Variants in GRM3 observed in about 807,000 individuals in gnomAD.
GRM3 encodes the protein metabotropic glutamate receptor 3.
In GRM3, 26 loss-of-function variants were observed where a neutral mutation model predicts 70.5. The observed-to-expected ratio is 0.37, with a 90% CI of 0.27 to 0.51. The LOEUF is 0.51. Ranked by LOEUF, GRM3 falls within the 20% of genes least tolerant of loss-of-function variation. The pLI is 0.93. For synonymous variants in GRM3, 443 were observed against 434.9 expected (o/e 1.02, Z -0.23); for missense variants, 859 against 1,123.8 (o/e 0.76, Z 3.37).
At chr7:86,833,648 C>T (rs1044411946) in intron 3 of GRM3, among the ~76,000 whole-genome samples, 4 of 152,102 alleles carry the variant, frequency 2.6e-5, no homozygotes, top group African/African-American at 9.7e-5. Flanking sequence ...ATTGCCATTG[C>T]GTTCGAAATA....
At position 86,722,057 on chromosome 7, in the gene GRM3, A is replaced by G. The variant is rs114057963; in HGVS notation, c.-140-42949A>G. 6.1e-3 allele frequency among the ~76,000 whole-genome samples: 933 copies of G among 152,206 alleles called. 8 individuals are homozygous for G. Among genetic ancestry groups the G allele is most frequent in the African/African-American group, 0.021 (881 of 41,528 alleles). ...GAACATAGAAACTGAAAATTGAAAGAAACTCTTGAGATTGGGCACAATTCT... is the reference window on the plus strand; with the variant it reads ...GAACATAGAAACTGAAAATTGAAAGGAACTCTTGAGATTGGGCACAATTCT... On this transcript the variant is annotated intron_variant, in intron 1 of 5. Coordinates refer to ENST00000361669, the MANE Select transcript of GRM3 (RefSeq NM_000840.3).
intron 2 of GRM3, among the ~76,000 whole-genome samples, chr7:86,771,738 G>C (rs1425088292): frequency 6.6e-6 from 1 of 151,910 alleles, no homozygotes; most frequent in African/African-American, 2.4e-5. Flanking sequence ...GTATCAATTG[G>C]CAACATAAGT....
chr7:86,679,009 A>T (rs906431846), intron 1 of GRM3, among the ~76,000 whole-genome samples: 1 of 152,068 alleles, frequency 6.6e-6, no homozygotes, highest in Non-Finnish European at 1.5e-5. Context: ...TGGTCAAGAT[A>T]GACTGTGTAG....
intron 3 of GRM3, among the ~76,000 whole-genome samples, chr7:86,808,361 G>C (rs1009894328): frequency 1.3e-5 from 2 of 152,060 alleles, no homozygotes; most frequent in African/African-American, 4.8e-5. Flanking sequence ...ATTCAGCTGT[G>C]AATCCGTCTG....
intron 1 of GRM3, among the ~76,000 whole-genome samples, chr7:86,675,639 T>C (rs751991059): frequency 6.6e-6 from 1 of 152,110 alleles, no homozygotes; most frequent in Non-Finnish European, 1.5e-5. Flanking sequence ...AAACCATTAT[T>C]CTAAAGAATT....
chr7:86,728,832 A>G (rs1214938911), intron 1 of GRM3, among the ~76,000 whole-genome samples: 3 of 152,228 alleles, frequency 2.0e-5, no homozygotes, highest in Non-Finnish European at 4.4e-5. Flanking sequence ...TCTCACAGTG[A>G]AATCAGTGGT....
At chr7:86,720,002 C>G (rs995924988) in intron 1 of GRM3, among the ~76,000 whole-genome samples, 1 of 151,946 alleles carries the variant, frequency 6.6e-6, no homozygotes, top group African/African-American at 2.4e-5. Context: ...AGCACCAGAT[C>G]TGGAAAGACC....
intron 1 of GRM3, among the ~76,000 whole-genome samples, chr7:86,713,946 C>A (rs1322027913): frequency 3.3e-5 from 5 of 151,940 alleles, no homozygotes; most frequent in African/African-American, 1.2e-4. Context: ...CTCCTTCCAG[C>A]CCATTGTAGG....
At chr7:86,814,356 T>C (rs763815892) in intron 3 of GRM3, among the ~76,000 whole-genome samples, 1 of 151,782 alleles carries the variant, frequency 6.6e-6, no homozygotes, top group Non-Finnish European at 1.5e-5. Flanking sequence ...ACCATATTTG[T>C]TGTCTTTTAT....
In GRM3 at chr7:86,714,694, C is replaced by G. The variant is rs184721667; in HGVS notation, c.-140-50312C>G. Among the ~76,000 whole-genome samples the G allele has an allele frequency of 1.3e-4, 20 of 152,106 alleles. 1 individual carries two copies. Among genetic ancestry groups the G allele is most frequent in the Admixed American group, 1.1e-3 (17 of 15,248 alleles). On this transcript the variant is annotated intron_variant, in intron 1 of 5. Transcript: ENST00000361669. ...TCAATTTATTATCTACATAGCTAAT[C>G]CCAAAGTGCTCCCAAACTCCCAAAC...
intron 3 of GRM3, among the ~76,000 whole-genome samples, chr7:86,828,688 A>T (rs1327519416): frequency 6.6e-6 from 1 of 152,188 alleles, no homozygotes; most frequent in Non-Finnish European, 1.5e-5. Flanking sequence ...CTCAGTGTTG[A>T]TGGCTGCTGA....
intron 1 of GRM3, among the ~76,000 whole-genome samples, chr7:86,715,355 TA>T (rs1795290432): frequency 6.6e-6 from 1 of 152,058 alleles, no homozygotes; most frequent in Admixed American, 6.6e-5. Flanking sequence ...GTTTACATCC[TA>T]TTCTACCACT....
chr7:86,710,777 C>T (rs768387571), intron 1 of GRM3, among the ~76,000 whole-genome samples: 46 of 151,858 alleles, frequency 3.0e-4, no homozygotes, highest in Non-Finnish European at 1.8e-4. Flanking sequence ...AAAGTTTGGA[C>T]CTTACAACTA....
chr7:86,819,640 G>C (rs1368212242), intron 3 of GRM3, among the ~76,000 whole-genome samples: 1 of 152,084 alleles, frequency 6.6e-6, no homozygotes, highest in Non-Finnish European at 1.5e-5. Flanking sequence ...CCAAAGAATG[G>C]ACTCGTGTCA....
In GRM3 at chr7:86,786,707, G is replaced by C; in HGVS notation, c.915G>C (p.Ala305=). ...GGGTGGCCAGCGACGGCTGGGGCGC[G>C]CAGGAGAGCATCATCAAGGGCAGCG... is the stretch of plus-strand genomic sequence containing the variant. ...FTWVASDGWG[A]QESIIKGSEH... The change falls in exon 3 of 6, where the codon GCG becomes GCC. Residue 305 remains alanine, a synonymous_variant. Coordinates refer to ENST00000361669, the MANE Select transcript of GRM3 (RefSeq NM_000840.3). The surrounding 1 kb of genome is among the most constrained non-coding windows in gnomAD (Gnocchi z 6.0). 1 of 1,612,616 alleles carries C rather than the reference G, an allele frequency of 6.2e-7. No individual in the cohort carries two copies. The highest frequency in any genetic ancestry group is 2.2e-5 in the East Asian group (1 of 44,874).
intron 1 of GRM3, among the ~76,000 whole-genome samples, chr7:86,734,122 A>T (rs1795801759): frequency 6.6e-6 from 1 of 152,094 alleles, no homozygotes; most frequent in Admixed American, 6.6e-5. Context: ...CAGACTGGGG[A>T]CTCCAAAGAA....
chr7:86,861,425 A>C lies in GRM3; in HGVS notation c.2567-2857A>C, dbSNP rs546812554. Among the ~76,000 whole-genome samples, 187 of 152,342 alleles carry C rather than the reference A, an allele frequency of 1.2e-3. 1 individual carries two copies. Among genetic ancestry groups the C allele is most frequent in the African/African-American group, 4.2e-3 (176 of 41,584 alleles). On this transcript the variant is annotated intron_variant, in intron 5 of 5. Coordinates refer to ENST00000361669, the MANE Select transcript of GRM3 (RefSeq NM_000840.3). ...GTCAAGGGTATAGGATGCTACACCA[A>C]AAATAATAATAAGCAAGAAAAAAGG...
At position 86,850,423 on chromosome 7, in the gene GRM3, G is replaced by A. The variant is rs1044319205; in HGVS notation, c.2445G>A (p.Leu815=). Residue 815 remains leucine, a synonymous_variant, in exon 5 of 6, where the codon TTG becomes TTA. Transcript: ENST00000361669. ...ISVSLSGFVV[L]GCLFAPKVHI... ...TCAGCCTGAGTGGCTTTGTGGTCTT[G>A]GGCTGTTTGTTTGCACCCAAGGTTC... is the stretch of plus-strand genomic sequence containing the variant. The A allele has an allele frequency of 2.2e-5, 35 of 1,612,790 alleles. No homozygotes were observed. The Admixed American group carries it at 5.5e-4, about 25-fold the overall frequency.
intron 1 of GRM3, among the ~76,000 whole-genome samples, chr7:86,647,363 TTG>T (rs1793499004): frequency 6.6e-6 from 1 of 152,180 alleles, no homozygotes; most frequent in Non-Finnish European, 1.5e-5. Flanking sequence ...ATGTAGCACA[TTG>T]GCTTGGGGGT....
Sources: allele counts gnomAD v4.1 joint callset (sites outside exome capture counted in the v4.1 genomes callset), GRCh38; gene constraint gnomAD v4.1.1; non-coding constraint Gnocchi (gnomAD v3.1); transcripts MANE v1.5; gene names NCBI Gene and HGNC (gene_info 2026-07-23, HGNC 2026-07-21).